UBAP2: variants seen among roughly 807,000 people sequenced by gnomAD.
UBAP2 encodes ubiquitin associated protein 2.
UBAP2 carries 75 observed loss-of-function variants against 139.6 expected under a neutral mutation model. The observed-to-expected ratio is 0.54, with a 90% CI of 0.45 to 0.65. The LOEUF is 0.65. Among genes scored for constraint, UBAP2 ranks in the 30% least tolerant of loss-of-function variants. UBAP2 has a pLI of 0.00. For missense variants in UBAP2, 1,368 were observed against 1,369.6 expected (o/e 1.00, Z 0.02); for synonymous variants, 526 against 526.2 (o/e 1.00, Z 0.01).
chr9:34,004,211 T>C (rs914442610), intron 2 of UBAP2, among the ~76,000 whole-genome samples: 5 of 152,180 alleles, frequency 3.3e-5, no homozygotes, highest in African/African-American at 9.7e-5. Flanking sequence ...ACGGGCATAA[T>C]GAACTTTTTA....
chr9:33,968,223 C>G (rs1200843592), intron 8 of UBAP2: 1 of 619,732 alleles, frequency 1.6e-6, no homozygotes, highest in African/African-American at 1.8e-5. Flanking sequence ...ATTATGAAAC[C>G]TAAACCCTCC....
intron 15 of UBAP2, 34 bp from the exon 16 acceptor site, chr9:33,941,896 G>A (rs1564023133): frequency 6.8e-7 from 1 of 1,478,274 alleles, no homozygotes; most frequent in East Asian, 2.3e-5. Flanking sequence ...ACATAATTTT[G>A]TTACTTTAAA....
At position 33,933,499 on chromosome 9, in the gene UBAP2, TGA is replaced by T. The variant is rs1467515786; in HGVS notation, c.2097_2098del (p.Gln700AlafsTer2). 6.2e-7 allele frequency: 1 copy of T among 1,613,778 alleles called. No individual in the cohort carries two copies. Among genetic ancestry groups the T allele is most frequent in the Non-Finnish European group, 8.5e-7 (1 of 1,179,968 alleles). ...CACACCTTCCCCATACCTGCTAAGC[TGA>T]GAGAGAGGGCTGCTAGTCAGGTCGC... On this transcript the variant is annotated frameshift_variant, in exon 18 of 29. Coordinates refer to ENST00000379238, the MANE Select transcript of UBAP2 (RefSeq NM_001370062.2). LOFTEE classifies it high-confidence loss of function.
intron 1 of UBAP2, among the ~76,000 whole-genome samples, chr9:34,028,232 T>C (rs1378425079): frequency 6.6e-6 from 1 of 151,914 alleles, no homozygotes; most frequent in Non-Finnish European, 1.5e-5. Flanking sequence ...CTATAGGACA[T>C]CAAAATTTAT....
At chr9:33,962,104 G>A (rs934972223) in intron 9 of UBAP2, among the ~76,000 whole-genome samples, 8 of 152,078 alleles carry the variant, frequency 5.3e-5, no homozygotes, top group East Asian at 3.9e-4. Context: ...GCTTGATGGC[G>A]AAGATAAACA....
At chr9:34,034,888 A>T (rs150112529) in intron 1 of UBAP2, among the ~76,000 whole-genome samples, 1 of 2,322 alleles carries the variant, frequency 4.3e-4, no homozygotes, top group African/African-American at 1.6e-3. Flanking sequence ...ACAAACAAAC[A>T]AAAAAAAAAC....
chr9:33,988,512 T>A (rs1253532199), intron 5 of UBAP2, among the ~76,000 whole-genome samples: 1 of 152,226 alleles, frequency 6.6e-6, no homozygotes. Flanking sequence ...AATCTAACCC[T>A]TGTCTATACC....
intron 13 of UBAP2, among the ~76,000 whole-genome samples, chr9:33,947,516 G>C (rs1825738063): frequency 6.6e-6 from 1 of 152,158 alleles, no homozygotes; most frequent in Admixed American, 6.6e-5. Context: ...AAGCATGAGA[G>C]TGTGATAGTT....
At chr9:34,014,966 C>G (rs948078908) in intron 2 of UBAP2, among the ~76,000 whole-genome samples, 1 of 152,080 alleles carries the variant, frequency 6.6e-6, no homozygotes, top group Non-Finnish European at 1.5e-5. Flanking sequence ...CTGTTAATAC[C>G]AGCAGAATAC....
At chr9:33,953,235 G>A in intron 12 of UBAP2, 50 bp downstream of exon 12, 4 of 1,494,226 alleles carry the variant, frequency 2.7e-6, no homozygotes, top group Non-Finnish European at 3.7e-6. Context: ...GAATACATTT[G>A]CTAATGGGTA....
chr9:34,020,968 C>T (rs983837605), intron 1 of UBAP2, among the ~76,000 whole-genome samples: 4 of 152,048 alleles, frequency 2.6e-5, no homozygotes, highest in Non-Finnish European at 4.4e-5. Flanking sequence ...TTTTCTAGAA[C>T]GGTCAGTTTT....
At chr9:34,000,218 G>T (rs1391275126) in intron 2 of UBAP2, among the ~76,000 whole-genome samples, 1 of 151,950 alleles carries the variant, frequency 6.6e-6, no homozygotes, top group Non-Finnish European at 1.5e-5. Flanking sequence ...GAGTTCAAGA[G>T]ATCCTGCCGC....
intron 1 of UBAP2, among the ~76,000 whole-genome samples, chr9:34,037,616 G>A (rs1252699742): frequency 6.6e-6 from 1 of 152,118 alleles, no homozygotes; most frequent in Non-Finnish European, 1.5e-5. Context: ...AATTTACTTA[G>A]CATTGATGAA....
chr9:33,937,185 T>C (rs1425151470), intron 16 of UBAP2, among the ~76,000 whole-genome samples: 3 of 149,904 alleles, frequency 2.0e-5, no homozygotes, highest in Non-Finnish European at 4.4e-5. Flanking sequence ...CAAGAACTAA[T>C]GTCTAAAACC....
chr9:34,038,484 T>C (rs1564075594), intron 1 of UBAP2, among the ~76,000 whole-genome samples: 1 of 152,166 alleles, frequency 6.6e-6, no homozygotes, highest in Non-Finnish European at 1.5e-5. Context: ...GGGGTTTCGC[T>C]GTGTTGGCCG....
intron 1 of UBAP2, among the ~76,000 whole-genome samples, chr9:34,029,332 A>G (rs1223881643): frequency 6.6e-6 from 1 of 151,916 alleles, no homozygotes; most frequent in Admixed American, 6.6e-5. Flanking sequence ...GTTTGAGACC[A>G]GCCTGGCCAA....
intron 18 of UBAP2, among the ~76,000 whole-genome samples, 167 bp from the exon 19 acceptor site, chr9:33,932,795 C>T (rs1280787044): frequency 6.6e-6 from 1 of 152,220 alleles, no homozygotes; most frequent in African/African-American, 2.4e-5. Context: ...GTGATGGGGT[C>T]CTGGTGGACG....
At chr9:33,964,461 C>A (rs1365344540) in intron 8 of UBAP2, among the ~76,000 whole-genome samples, 1 of 152,092 alleles carries the variant, frequency 6.6e-6, no homozygotes, top group Non-Finnish European at 1.5e-5. Flanking sequence ...TTGACTAATT[C>A]AACATTCTGC....
intron 18 of UBAP2, 67 bp from the exon 19 acceptor site, chr9:33,932,695 T>TG: frequency 6.4e-7 from 1 of 1,554,768 alleles, no homozygotes; most frequent in Non-Finnish European, 8.8e-7. Flanking sequence ...AAGACGCACG[T>TG]GGGTCAGTGA....
Sources: allele counts gnomAD v4.1 joint callset (sites outside exome capture counted in the v4.1 genomes callset), GRCh38; gene constraint gnomAD v4.1.1; transcripts MANE v1.5; gene names NCBI Gene and HGNC (gene_info 2026-07-23, HGNC 2026-07-21).